Variants in MAML2 observed in about 807,000 individuals in gnomAD.
MAML2 encodes the protein mastermind-like protein 2.
In MAML2, 22 loss-of-function variants were observed where a neutral mutation model predicts 96.1. That is an observed-to-expected ratio of 0.23 (90% CI 0.16 to 0.33). MAML2 has a LOEUF of 0.33. MAML2 is among the 10% of genes least tolerant of loss of function. MAML2 has a pLI of 1.00. For missense variants in MAML2, 1,367 were observed against 1,392.4 expected (o/e 0.98, Z 0.29); for synonymous variants, 561 against 521.3 (o/e 1.08, Z -1.04).
At chr11:96,297,863 C>G (rs1460289162) in intron 1 of MAML2, among the ~76,000 whole-genome samples, 1 of 152,116 alleles carries the variant, frequency 6.6e-6, no homozygotes. Context: ...CTTTATATAA[C>G]CAAAATGTCA....
At chr11:96,134,263 T>G (rs957253557) in intron 1 of MAML2, among the ~76,000 whole-genome samples, 4 of 152,252 alleles carry the variant, frequency 2.6e-5, no homozygotes, top group Non-Finnish European at 4.4e-5. Flanking sequence ...ACTTGTTTAC[T>G]GTGTTTCTCA....
intron 1 of MAML2, among the ~76,000 whole-genome samples, chr11:96,131,195 G>C (rs533685264): frequency 6.6e-6 from 1 of 151,662 alleles, no homozygotes; most frequent in Non-Finnish European, 1.5e-5. Flanking sequence ...CATACATAAA[G>C]GCAAAGAATG....
intron 2 of MAML2, among the ~76,000 whole-genome samples, chr11:96,066,029 G>C (rs748126875): frequency 6.6e-6 from 1 of 152,116 alleles, no homozygotes; most frequent in African/African-American, 2.4e-5. Flanking sequence ...CTGAAAACTC[G>C]CTCCAAGAAA....
intron 1 of MAML2, among the ~76,000 whole-genome samples, chr11:96,271,929 C>A (rs1449036197): frequency 2.6e-5 from 4 of 152,168 alleles, no homozygotes; most frequent in African/African-American, 7.2e-5. Context: ...ACCATATGGG[C>A]CACCTTGTTA....
chr11:96,153,762 T>A (rs1016817091), intron 1 of MAML2, among the ~76,000 whole-genome samples: 4 of 151,632 alleles, frequency 2.6e-5, no homozygotes, highest in African/African-American at 4.8e-5. Context: ...ATACAAAAAA[T>A]TTGCTGTGTG....
At chr11:96,338,181 C>T (rs1320665319) in intron 1 of MAML2, among the ~76,000 whole-genome samples, 2 of 152,220 alleles carry the variant, frequency 1.3e-5, no homozygotes, top group Non-Finnish European at 2.9e-5. Flanking sequence ...CATGGACCAG[C>T]AATTATTCAG....
chr11:96,145,899 C>G (rs2135871211), intron 1 of MAML2, among the ~76,000 whole-genome samples: 1 of 152,246 alleles, frequency 6.6e-6, no homozygotes, highest in East Asian at 1.9e-4. Flanking sequence ...ATCCCAGCTA[C>G]TAGGGAGGCT....
At chr11:96,029,164 G>A (rs1421937468) in intron 2 of MAML2, among the ~76,000 whole-genome samples, 1 of 141,628 alleles carries the variant, frequency 7.1e-6, no homozygotes. Flanking sequence ...GAGTGAAACG[G>A]TTTTTTTTTT....
chr11:96,109,649 G>C (rs1447378397), intron 1 of MAML2, among the ~76,000 whole-genome samples: 2 of 152,224 alleles, frequency 1.3e-5, no homozygotes, highest in African/African-American at 4.8e-5. Flanking sequence ...TGACTGGGTA[G>C]ATGATGGAGT....
intron 1 of MAML2, among the ~76,000 whole-genome samples, chr11:96,148,681 C>CAA (rs1860863656): frequency 6.7e-6 from 1 of 149,400 alleles, no homozygotes; most frequent in South Asian, 2.1e-4. Flanking sequence ...CACACACACA[C>CAA]ACACACACAC....
chr11:96,018,277 G>A (rs78512725), intron 2 of MAML2, among the ~76,000 whole-genome samples: 158 of 152,290 alleles, frequency 1.0e-3, no homozygotes, highest in African/African-American at 3.6e-3. Context: ...TGTCAAGTTT[G>A]AGATGCTTAT....
At chr11:96,173,507 G>A (rs750712695) in intron 1 of MAML2, among the ~76,000 whole-genome samples, 1 of 152,178 alleles carries the variant, frequency 6.6e-6, no homozygotes, top group Non-Finnish European at 1.5e-5. Flanking sequence ...AATTCTGGGG[G>A]AAGAAACGGG....
intron 1 of MAML2, among the ~76,000 whole-genome samples, chr11:96,220,562 A>G (rs1044872745): frequency 1.2e-4 from 19 of 152,182 alleles, no homozygotes; most frequent in African/African-American, 4.6e-4. Flanking sequence ...GGAGTCATAC[A>G]TATTATTTAT....
rs370823411 is a variant in MAML2 at position 95,985,429 on chromosome 11, GA to G, written c.2455+101del. 256 of 663,238 alleles carry G rather than the reference GA, an allele frequency of 3.9e-4. 1 individual carries two copies. In the African/African-American group the frequency reaches 4.2e-3, roughly 11 times the overall value. The allele number at this position is 663,238 out of a possible 1,614,324, so 41.1% of individuals were successfully genotyped here. ...GTCAAATGGGAGTTAGAAATTCTAA[GA>G]AAGATATTATAATCATATGTGAGTT... is the stretch of plus-strand genomic sequence containing the variant. On this transcript the variant is annotated intron_variant, in intron 4 of 4. Transcript: ENST00000524717.
chr11:96,093,261 A>G lies in MAML2; in HGVS notation c.770T>C (p.Leu257Pro), dbSNP rs759647780. The change falls in exon 2 of 5, where the codon CTG (leucine) becomes CCG (proline). Residue 257 changes from leucine (L) to proline (P), a missense_variant. Physicochemically the swap from Leu to Pro is moderately conservative, Grantham distance 98. Coordinates refer to ENST00000524717, the MANE Select transcript of MAML2 (RefSeq NM_032427.4). Reference protein sequence around the residue: ...PSHTHSPGNGLFNMGLKEVKK... With the variant: ...PSHTHSPGNGPFNMGLKEVKK... ...TACCTCCTTTAAGCCCATGTTAAAC[A>G]GGCCATTGCCAGGAGAATGTGTATG... 2 of 1,614,028 alleles carry G rather than the reference A, an allele frequency of 1.2e-6. No individual in the cohort carries two copies. The highest frequency in any genetic ancestry group is 8.5e-7 in the Non-Finnish European group (1 of 1,179,896).
chr11:96,261,072 T>A (rs1862742628), intron 1 of MAML2, among the ~76,000 whole-genome samples: 1 of 152,190 alleles, frequency 6.6e-6, no homozygotes, highest in Non-Finnish European at 1.5e-5. Flanking sequence ...ATGTTGGAAC[T>A]TAATCTCCAA....
At position 96,341,730 on chromosome 11, in the gene MAML2, C is replaced by T. The variant is rs1565289387; in HGVS notation, c.166G>A (p.Gly56Arg). 1 of 1,613,096 alleles carries T rather than the reference C, an allele frequency of 6.2e-7. No homozygotes were observed. Among genetic ancestry groups the T allele is most frequent in the African/African-American group, 1.3e-5 (1 of 75,050 alleles). The change falls in exon 1 of 5, where the codon GGA (glycine) becomes AGA (arginine). Residue 56 changes from glycine (G) to arginine (R), a missense_variant. Transcript: ENST00000524717. ...VCRQHHLSCE[G>R]RYERGRAESS... ...TCGGCCCTACCTCGTTCATATCGTC[C>T]TTCACAGCTCAGGTGGTGTTGGCGG...
intron 1 of MAML2, among the ~76,000 whole-genome samples, chr11:96,098,485 T>G (rs1489222033): frequency 2.0e-5 from 3 of 151,842 alleles, no homozygotes; most frequent in Non-Finnish European, 4.4e-5. Context: ...CATGAGACTG[T>G]GCATTTAATA....
intron 1 of MAML2, among the ~76,000 whole-genome samples, chr11:96,100,710 A>G (rs1859912568): frequency 6.6e-6 from 1 of 150,678 alleles, no homozygotes; most frequent in Admixed American, 6.6e-5. Flanking sequence ...GACCCTGAGA[A>G]ATGTTACTAG....
Sources: allele counts gnomAD v4.1 joint callset (sites outside exome capture counted in the v4.1 genomes callset), GRCh38; gene constraint gnomAD v4.1.1; transcripts MANE v1.5; gene names NCBI Gene and HGNC (gene_info 2026-07-23, HGNC 2026-07-21).